Variants in AFTPH observed in about 807,000 individuals in gnomAD.
AFTPH encodes the protein aftiphilin.
A neutral mutation model predicts 72.5 loss-of-function variants in AFTPH; 7 were observed. The ratio of observed to expected loss-of-function variants is 0.10; its 90% CI spans 0.05 to 0.18. AFTPH has a LOEUF of 0.18. Among genes scored for constraint, AFTPH ranks in the 10% least tolerant of loss-of-function variants. The pLI is 1.00. For missense variants in AFTPH, 979 were observed against 1,060.5 expected, an observed-to-expected ratio of 0.92 and a Z score of 1.07; for synonymous variants, 337 against 370.1, an observed-to-expected ratio of 0.91 and a Z score of 1.03.
At chr2:64,590,619 A>AT (rs1294458196) in intron 8 of AFTPH, among the ~76,000 whole-genome samples, 2 of 152,180 alleles carry the variant, frequency 1.3e-5, no homozygotes, top group Non-Finnish European at 2.9e-5. Context: ...AAAAATGTAG[A>AT]TTTTCATCAG....
At chr2:64,585,314 G>C (rs1673440894) in intron 7 of AFTPH, 108 bp from the exon 9 acceptor site, 1 of 1,350,850 alleles carries the variant, frequency 7.4e-7, no homozygotes, top group Non-Finnish European at 1.0e-6. Context: ...TGTTCTGTTT[G>C]TAAAACACTC....
chr2:64,585,634 ATATAT>A (rs1272007284), intron 8 of AFTPH, 89 bp downstream of exon 9: 17 of 1,395,524 alleles, frequency 1.2e-5, no homozygotes, highest in Admixed American at 9.5e-5. Context: ...CAGCATTTCA[ATATAT>A]TATATCACAA....
chr2:64,590,361 C>A (rs1350299309), intron 8 of AFTPH, among the ~76,000 whole-genome samples: 1 of 152,138 alleles, frequency 6.6e-6, no homozygotes, highest in Non-Finnish European at 1.5e-5. Context: ...TAAAGGCTTG[C>A]TGAATTCAGG....
chr2:64,545,089 G>T (rs80228940), intron 1 of AFTPH, among the ~76,000 whole-genome samples: 180 of 152,190 alleles, frequency 1.2e-3, no homozygotes, highest in African/African-American at 4.1e-3. Context: ...GGAATAGGTT[G>T]TGAACCAATA....
At chr2:64,528,681 G>A (rs183438116) in intron 1 of AFTPH, among the ~76,000 whole-genome samples, 6 of 152,204 alleles carry the variant, frequency 3.9e-5, no homozygotes, top group Middle Eastern at 3.4e-3. Flanking sequence ...ACAGAAGTAT[G>A]CCTGGAATAG....
intron 7 of AFTPH, chr2:64,580,394 A>G (rs925464456): frequency 2.0e-5 from 3 of 152,680 alleles, no homozygotes; most frequent in Non-Finnish European, 4.4e-5. Context: ...AAAGCATCCA[A>G]TTGAATTAAT....
chr2:64,560,391 A>G (rs1671649455), intron 2 of AFTPH, among the ~76,000 whole-genome samples: 1 of 152,212 alleles, frequency 6.6e-6, no homozygotes, highest in Non-Finnish European at 1.5e-5. Flanking sequence ...AAAAATAATA[A>G]TAATTATAAA....
intron 1 of AFTPH, among the ~76,000 whole-genome samples, chr2:64,526,668 T>C (rs1669285853): frequency 6.6e-6 from 1 of 152,230 alleles, no homozygotes; most frequent in East Asian, 1.9e-4. Flanking sequence ...ATTTTACATA[T>C]CTCATTTTGC....
intron 1 of AFTPH, among the ~76,000 whole-genome samples, chr2:64,532,506 C>T (rs755180763): frequency 1.4e-4 from 21 of 152,164 alleles, no homozygotes; most frequent in African/African-American, 5.1e-4. Context: ...GTAGATATTC[C>T]AGAATTGAGG....
At chr2:64,553,166 T>C (rs761627740) in exon 2 of AFTPH, 1 of 1,614,230 alleles carries the variant, frequency 6.2e-7, no homozygotes, top group Non-Finnish European at 8.5e-7. Context: ...TCAGTTCAGC[T>C]GGTCCTAGCC....
At chr2:64,586,767 T>C (rs1463849749) in intron 8 of AFTPH, among the ~76,000 whole-genome samples, 1 of 152,218 alleles carries the variant, frequency 6.6e-6, no homozygotes, top group Admixed American at 6.5e-5. Context: ...TACTTGTAAA[T>C]GTGGCTATGT....
At chr2:64,550,690 C>G (rs1180035096) in intron 1 of AFTPH, among the ~76,000 whole-genome samples, 50 of 59,114 alleles carry the variant, frequency 8.5e-4, no homozygotes, top group African/African-American at 3.0e-3. Context: ...CACACACACA[C>G]ACACACACAC....
Position 64,553,428 on chromosome 2 carries a change from T to C in AFTPH, c.1935+19T>C. ...AGTTCAGGTATTTACTAATTTTCTC[T>C]ATTTTGTATGATGTATTAATTGTTG... On this transcript the variant is annotated intron_variant, in intron 2 of 8. Coordinates refer to ENST00000238856, the Ensembl canonical transcript of AFTPH. The C allele has an allele frequency of 6.5e-7, 1 of 1,536,062 alleles. No individual in the cohort carries two copies. Among genetic ancestry groups the C allele is most frequent in the Non-Finnish European group, 8.7e-7 (1 of 1,148,094 alleles).
intron 7 of AFTPH, among the ~76,000 whole-genome samples, chr2:64,584,797 C>T (rs1174872339): frequency 2.0e-5 from 3 of 152,092 alleles, no homozygotes; most frequent in East Asian, 3.9e-4. Flanking sequence ...GGGGTTTCAC[C>T]GTTTTAGCCA....
intron 2 of AFTPH, among the ~76,000 whole-genome samples, chr2:64,559,771 C>G (rs978673851): frequency 1.3e-5 from 2 of 152,160 alleles, no homozygotes; most frequent in African/African-American, 4.8e-5. Context: ...GTGGCATGGT[C>G]TCTGCTCACT....
intron 6 of AFTPH, among the ~76,000 whole-genome samples, chr2:64,576,184 C>CATAT (rs779422046): frequency 3.4e-4 from 48 of 141,156 alleles, no homozygotes; most frequent in African/African-American, 8.3e-4. Flanking sequence ...TTTACATATA[C>CATAT]ATATATATAT....
At chr2:64,542,221 G>A (rs529626580) in intron 1 of AFTPH, among the ~76,000 whole-genome samples, 1 of 152,156 alleles carries the variant, frequency 6.6e-6, no homozygotes, top group South Asian at 2.1e-4. Context: ...ATTGCTAGAG[G>A]GCCTCTTACT....
At chr2:64,564,852 T>C (rs1423351472) in intron 2 of AFTPH, among the ~76,000 whole-genome samples, 2 of 151,688 alleles carry the variant, frequency 1.3e-5, no homozygotes, top group African/African-American at 4.8e-5. Flanking sequence ...TTTTTTTTTT[T>C]TTTAAGACCA....
chr2:64,576,624 G>A (rs1023961790), intron 6 of AFTPH, among the ~76,000 whole-genome samples: 1 of 152,048 alleles, frequency 6.6e-6, no homozygotes, highest in African/African-American at 2.4e-5. Context: ...TGCTGAGTAG[G>A]GTCAACACTC....
Sources: gnomAD v4.1 joint callset for allele counts (sites outside exome capture counted in the v4.1 genomes callset) on GRCh38, gnomAD v4.1.1 for gene constraint, MANE v1.5 for transcripts, NCBI Gene and HGNC (gene_info 2026-07-23, HGNC 2026-07-21) for gene names.